The following MNAT1 variants were observed in gnomAD, a reference collection of about 807,000 sequenced individuals.
MNAT1 encodes CDK-activating kinase assembly factor MAT1.
MNAT1 carries 43 observed loss-of-function variants against 42.0 expected under a neutral mutation model. That is an observed-to-expected ratio of 1.02 (90% confidence interval 0.80 to 1.32). The LOEUF (loss-of-function observed/expected upper bound fraction) is 1.32, where lower values mean the gene tolerates loss of function less well. MNAT1 is among the 40% of genes most tolerant of loss of function. The probability of loss-of-function intolerance (pLI) is 0.00; values close to 1 mark genes in which losing one functional copy is unlikely to be tolerated. For missense variants in MNAT1, 306 were observed against 350.4 expected, an observed-to-expected ratio of 0.87 and a Z score of 1.01; for synonymous variants, 118 against 120.0, an observed-to-expected ratio of 0.98 and a Z score of 0.11.
chr14:60,959,919 T>TG (rs1491395536), intron 7 of MNAT1, among the ~76,000 whole-genome samples: 1 of 105,658 alleles, frequency 9.5e-6, no homozygotes, highest in East Asian at 3.3e-4. Flanking sequence ...TTGGTTTTTA[T>TG]GTTTTTTTTT....
At chr14:60,799,393 T>G (rs1253518612) in intron 3 of MNAT1, 1 of 985,144 alleles carries the variant, frequency 1.0e-6, no homozygotes, top group Non-Finnish European at 1.2e-6. Context: ...AGTATGAAGG[T>G]ATGTAGAAAT....
intron 7 of MNAT1, among the ~76,000 whole-genome samples, chr14:60,964,202 G>T (rs891894704): frequency 6.6e-6 from 1 of 152,174 alleles, no homozygotes; most frequent in African/African-American, 2.4e-5. Context: ...GACAGTGTAG[G>T]AAACCAAAGT....
At chr14:60,915,922 C>T (rs369950480) in intron 7 of MNAT1, among the ~76,000 whole-genome samples, 4 of 152,184 alleles carry the variant, frequency 2.6e-5, no homozygotes, top group Non-Finnish European at 5.9e-5. Flanking sequence ...CTGCATTCAT[C>T]GGTTCCCAGC....
intron 7 of MNAT1, among the ~76,000 whole-genome samples, chr14:60,928,902 G>A (rs1194664837): frequency 6.6e-6 from 1 of 151,204 alleles, no homozygotes; most frequent in Non-Finnish European, 1.5e-5. Flanking sequence ...AGCATTTTGG[G>A]AGGCCTAGGT....
chr14:60,740,717 A>T lies in MNAT1; in HGVS notation c.89+5766A>T, dbSNP rs754925813. Among the ~76,000 whole-genome samples the T allele has an allele frequency of 1.2e-4, 18 of 152,194 alleles. No homozygotes were observed. Among genetic ancestry groups the T allele is most frequent in the Non-Finnish European group, 2.4e-4 (16 of 68,028 alleles). ...TTTTATAATTTTCTGTTGTGATAAG[A>T]GGATATACTCTATAAAATTTCAGTC... On this transcript the variant is annotated intron_variant, in intron 1 of 7. Transcript: ENST00000261245. This position sits in a 1 kb window ranked among gnomAD's most constrained non-coding sequence, Gnocchi z 4.1.
At chr14:60,742,097 T>A (rs1402846917) in intron 1 of MNAT1, among the ~76,000 whole-genome samples, 10 of 152,074 alleles carry the variant, frequency 6.6e-5, no homozygotes, top group East Asian at 3.9e-4. Context: ...TATTTTTTTT[T>A]AAATAAGAGA....
chr14:60,894,621 T>C (rs2139493199), intron 7 of MNAT1, among the ~76,000 whole-genome samples: 1 of 152,224 alleles, frequency 6.6e-6, no homozygotes, highest in African/African-American at 2.4e-5. Flanking sequence ...GTGTTCTTAC[T>C]TTTCCCAAGT....
intron 7 of MNAT1, among the ~76,000 whole-genome samples, chr14:60,888,384 A>T (rs1303047479): frequency 6.6e-6 from 1 of 152,130 alleles, no homozygotes; most frequent in Non-Finnish European, 1.5e-5. Context: ...AAAGCCTTTG[A>T]CAAAATTCAA....
At chr14:60,941,780 G>A (rs941090377) in intron 7 of MNAT1, among the ~76,000 whole-genome samples, 10 of 151,100 alleles carry the variant, frequency 6.6e-5, no homozygotes, top group Admixed American at 1.3e-4. Flanking sequence ...TGAGGCGGGC[G>A]GATCATGAGG....
chr14:60,843,068 T>C (rs1047501114), intron 6 of MNAT1, among the ~76,000 whole-genome samples: 1 of 152,242 alleles, frequency 6.6e-6, no homozygotes, highest in Admixed American at 6.5e-5. Flanking sequence ...CTGAGCTGTT[T>C]ATAGTTTTTG....
chr14:60,881,315 G>A lies in MNAT1; in HGVS notation c.809+1480G>A, dbSNP rs534496554. On this transcript the variant is annotated intron_variant, in intron 7 of 7. Coordinates refer to ENST00000261245, the MANE Select transcript of MNAT1 (RefSeq NM_002431.4). The stretch of plus-strand genomic sequence containing the variant: ...TTCTCATGCCTCAGCCTCCCGAGTA[G>A]CTGAGGCTGCAGGCATGCACCACCA... 3.7e-4 allele frequency among the ~76,000 whole-genome samples: 57 copies of A among 152,172 alleles called. 1 individual carries two copies. In the South Asian group the frequency reaches 0.012, roughly 31 times the overall value.
chr14:60,898,340 C>A (rs1349425713), intron 7 of MNAT1, among the ~76,000 whole-genome samples: 1 of 152,060 alleles, frequency 6.6e-6, no homozygotes, highest in Non-Finnish European at 1.5e-5. Flanking sequence ...TTTGAGGAAT[C>A]TCCATACTGG....
At chr14:60,767,715 C>T (rs1215051995) in intron 1 of MNAT1, among the ~76,000 whole-genome samples, 1 of 152,152 alleles carries the variant, frequency 6.6e-6, no homozygotes, top group Non-Finnish European at 1.5e-5. Context: ...ATTCTTCTGC[C>T]TCAGCCTCCT....
At chr14:60,794,435 C>T (rs2031934039) in intron 1 of MNAT1, among the ~76,000 whole-genome samples, 1 of 151,480 alleles carries the variant, frequency 6.6e-6, no homozygotes, top group Non-Finnish European at 1.5e-5. Context: ...GAGGTCAAGG[C>T]AGGAGGATCG....
chr14:60,900,083 T>TC (rs1555333738), intron 7 of MNAT1, among the ~76,000 whole-genome samples: 66 of 151,536 alleles, frequency 4.4e-4, no homozygotes, highest in African/African-American at 7.5e-4. Context: ...TCTCTCTCTC[T>TC]TACCTTGGAC....
intron 6 of MNAT1, among the ~76,000 whole-genome samples, chr14:60,828,079 T>C (rs116541811): frequency 0.013 from 1,988 of 152,272 alleles, 44 homozygotes; most frequent in African/African-American, 0.046. Context: ...AACTGTAAAT[T>C]TGAATTTTGT....
At chr14:60,800,506 C>T (rs745667450) in intron 3 of MNAT1, among the ~76,000 whole-genome samples, 9 of 152,128 alleles carry the variant, frequency 5.9e-5, no homozygotes, top group Non-Finnish European at 1.0e-4. Context: ...CGCCACTGCA[C>T]TCCAACCTAG....
chr14:60,963,279 C>T (rs945560924), intron 7 of MNAT1, among the ~76,000 whole-genome samples: 5 of 152,112 alleles, frequency 3.3e-5, no homozygotes, highest in Non-Finnish European at 5.9e-5. Context: ...CACACCCAGC[C>T]GGCCATGTAT....
At chr14:60,836,576 A>T (rs1241990133) in intron 6 of MNAT1, among the ~76,000 whole-genome samples, 1 of 152,222 alleles carries the variant, frequency 6.6e-6, no homozygotes, top group Non-Finnish European at 1.5e-5. Context: ...AGGCTGCAGA[A>T]CAGCAAAGAT....
Sources: gnomAD v4.1 joint callset for allele counts (sites outside exome capture counted in the v4.1 genomes callset) on GRCh38, gnomAD v4.1.1 for gene constraint, Gnocchi (gnomAD v3.1) non-coding constraint, MANE v1.5 for transcripts, NCBI Gene and HGNC (gene_info 2026-07-23, HGNC 2026-07-21) for gene names.